The following WDR47 variants were observed in gnomAD, a reference collection of about 807,000 sequenced individuals.
WDR47 encodes the protein WD repeat-containing protein 47.
A neutral mutation model predicts 97.2 loss-of-function variants in WDR47; 32 were observed. The ratio of observed to expected loss-of-function variants is 0.33; its 90% CI spans 0.25 to 0.44. The LOEUF is 0.44. WDR47 is among the 20% of genes least tolerant of loss of function. The pLI, the probability that WDR47 is intolerant of heterozygous loss-of-function variation, is 1.00. For synonymous variants in WDR47, 375 were observed against 373.5 expected, an observed-to-expected ratio of 1.00 and a Z score of -0.05; for missense variants, 782 against 1,102.3, an observed-to-expected ratio of 0.71 and a Z score of 4.11.
Position 108,974,656 on chromosome 1 carries a change from T to C in WDR47, c.2497A>G (p.Arg833Gly). ...SCMLYDIRGG[R>G]MVQSYHPHSS... ...TGAGGATGATAACTTTGTACCATTC[T>C]TCCTCCTCTTATGTCATACAACATG... Residue 833 changes from arginine (R) to glycine (G), a missense_variant, in exon 14 of 15, where the codon AGA becomes GGA. This residue lies in a region of WDR47 where 228 missense variants were observed against 396.7 expected (regional missense o/e 0.57). Coordinates refer to ENST00000369962, the MANE Select transcript of WDR47 (RefSeq NM_001142551.2). 6.2e-7 allele frequency: 1 copy of C among 1,614,144 alleles called. No homozygotes were observed. Among genetic ancestry groups the C allele is most frequent in the Non-Finnish European group, 8.5e-7 (1 of 1,180,016 alleles).
At chr1:109,024,102 C>T (rs1327328770) in intron 1 of WDR47, among the ~76,000 whole-genome samples, 1 of 152,176 alleles carries the variant, frequency 6.6e-6, no homozygotes, top group Non-Finnish European at 1.5e-5. Context: ...AGCAGTAATA[C>T]CTAAATGATG....
chr1:108,995,156 T>C (rs1177639509), intron 8 of WDR47, among the ~76,000 whole-genome samples: 2 of 152,240 alleles, frequency 1.3e-5, no homozygotes, highest in Non-Finnish European at 2.9e-5. Flanking sequence ...CTTCCACTGC[T>C]GTAATTGCCA....
At chr1:109,001,640 T>C (rs926907739) in intron 7 of WDR47, among the ~76,000 whole-genome samples, 8 of 152,046 alleles carry the variant, frequency 5.3e-5, no homozygotes, top group African/African-American at 7.2e-5. Context: ...CTGTAATTCC[T>C]GCACTTTGGG....
chr1:108,977,333 T>C (rs1035648632), intron 13 of WDR47, among the ~76,000 whole-genome samples: 4 of 151,966 alleles, frequency 2.6e-5, no homozygotes, highest in African/African-American at 9.7e-5. Context: ...TTTGTATTTT[T>C]AGTAAAGGCA....
rs1361056561 is a variant in WDR47 at position 108,995,765 on chromosome 1, C to G, written c.1506G>C (p.Gln502His). Residue 502 changes from glutamine (Q) to histidine (H), a missense_variant, in exon 8 of 15, where the codon CAG becomes CAC. Coordinates refer to ENST00000369962, the MANE Select transcript of WDR47 (RefSeq NM_001142551.2). ...GLGNEVSALN[Q>H]QCNGSKGNGS... ...CATTGCCTTTGCTCCCATTACATTG[C>G]TGGTTGAGTGCTGATACCTCATTAC... The G allele has an allele frequency of 1.9e-6, 3 of 1,614,130 alleles. No homozygotes were observed. Among genetic ancestry groups the G allele is most frequent in the Non-Finnish European group, 2.5e-6 (3 of 1,180,018 alleles).
chr1:109,034,469 T>C lies in WDR47; in HGVS notation c.-10+7393A>G, dbSNP rs139580471. On this transcript the variant is annotated intron_variant, in intron 1 of 14. Coordinates refer to ENST00000369962, the MANE Select transcript of WDR47 (RefSeq NM_001142551.2). The stretch of plus-strand genomic sequence containing the variant: ...AATAAATTATGGTAAATTCATACTA[T>C]AAAACAGGGGTCCCCAACCCCCAGG... Among the ~76,000 whole-genome samples, 895 of 152,286 alleles carry C rather than the reference T, an allele frequency of 5.9e-3. 10 individuals carry two copies. The highest frequency in any genetic ancestry group is 0.019 in the African/African-American group (805 of 41,562).
chr1:109,003,355 T>G (rs750782530), intron 6 of WDR47, among the ~76,000 whole-genome samples: 3 of 152,220 alleles, frequency 2.0e-5, no homozygotes, highest in Non-Finnish European at 2.9e-5. Context: ...GTACTTTTAA[T>G]AGTAATTTTT....
Position 108,971,394 on chromosome 1 carries a change from T to C in WDR47, c.*36A>G. 4.3e-6 allele frequency: 7 copies of C among 1,612,724 alleles called. No homozygotes were observed. Among genetic ancestry groups the C allele is most frequent in the Non-Finnish European group, 5.9e-6 (7 of 1,179,200 alleles). ...TCACAACTCAGTAGTCTTAAGTCTC[T>C]GTGCTTTTGCTGCATAGACTGACAT... On this transcript the variant is annotated 3_prime_UTR_variant, in exon 15 of 15. Coordinates refer to ENST00000369962, the MANE Select transcript of WDR47 (RefSeq NM_001142551.2).
chr1:109,022,260 C>T (rs1204413221), intron 2 of WDR47, among the ~76,000 whole-genome samples: 1 of 151,032 alleles, frequency 6.6e-6, no homozygotes, highest in Non-Finnish European at 1.5e-5. Context: ...TTAATAGATG[C>T]AAAAAAAAGA....
intron 1 of WDR47, among the ~76,000 whole-genome samples, chr1:109,034,853 A>G (rs959019810): frequency 1.3e-5 from 2 of 152,242 alleles, no homozygotes; most frequent in Non-Finnish European, 1.5e-5. Flanking sequence ...GGAAAAGTGC[A>G]TCACAGAATA....
intron 1 of WDR47, chr1:109,030,066 A>G: frequency 1.6e-6 from 1 of 624,800 alleles, no homozygotes; most frequent in East Asian, 3.0e-5. Flanking sequence ...ACAGGAGAAC[A>G]TGCCTCTCGC....
intron 1 of WDR47, among the ~76,000 whole-genome samples, chr1:109,037,158 C>G (rs950451166): frequency 6.7e-6 from 1 of 150,212 alleles, no homozygotes; most frequent in East Asian, 2.0e-4. Context: ...GGAGAAACCC[C>G]GTCTCTACCA....
chr1:108,989,615 C>G (rs1659162615), intron 9 of WDR47, among the ~76,000 whole-genome samples: 1 of 152,172 alleles, frequency 6.6e-6, no homozygotes, highest in Non-Finnish European at 1.5e-5. Context: ...AACTAAATGG[C>G]CTATAGCACA....
At chr1:109,001,781 C>T (rs899814028) in intron 7 of WDR47, among the ~76,000 whole-genome samples, 6 of 151,980 alleles carry the variant, frequency 3.9e-5, no homozygotes, top group Non-Finnish European at 7.4e-5. Flanking sequence ...GCGCCAGCTA[C>T]GCAGGAGGCT....
chr1:108,989,880 G>C (rs1033046737), intron 9 of WDR47, among the ~76,000 whole-genome samples: 1 of 152,056 alleles, frequency 6.6e-6, no homozygotes, highest in Non-Finnish European at 1.5e-5. Context: ...ATTTTTAGAA[G>C]AGATTGGGTT....
intron 1 of WDR47, among the ~76,000 whole-genome samples, chr1:109,028,361 G>GT (rs1414813690): frequency 3.3e-4 from 9 of 27,614 alleles, no homozygotes; most frequent in African/African-American, 8.7e-4. Flanking sequence ...ATTTTTGTTG[G>GT]GTTTTTTTTT....
intron 6 of WDR47, 106 bp downstream of exon 6, chr1:109,004,486 T>C (rs1300661583): frequency 7.6e-7 from 1 of 1,321,352 alleles, no homozygotes; most frequent in Non-Finnish European, 1.0e-6. Flanking sequence ...ATGTATATTA[T>C]TTCCTACTCC....
intron 7 of WDR47, among the ~76,000 whole-genome samples, chr1:108,998,891 CTAG>C (rs1659951871): frequency 6.6e-6 from 1 of 152,020 alleles, no homozygotes; most frequent in Non-Finnish European, 1.5e-5. Context: ...TCTTAAAGCC[CTAG>C]TACAGGCTCA....
intron 11 of WDR47, 115 bp from the exon 12 acceptor site, chr1:108,982,894 G>T: frequency 8.4e-7 from 1 of 1,193,984 alleles, no homozygotes; most frequent in Non-Finnish European, 1.1e-6. Flanking sequence ...AATATGGTTT[G>T]TATTTTCATT....
Sources: allele counts gnomAD v4.1 joint callset (sites outside exome capture counted in the v4.1 genomes callset), GRCh38; gene constraint gnomAD v4.1.1; regional missense constraint gnomAD v4.1.1; transcripts MANE v1.5; gene names NCBI Gene and HGNC (gene_info 2026-07-23, HGNC 2026-07-21).